The following ERBB4 variants were observed in gnomAD, a reference collection of about 807,000 sequenced individuals.
The protein encoded by ERBB4 is erb-b2 receptor tyrosine kinase 4, also known as receptor tyrosine-protein kinase erbB-4.
A neutral mutation model predicts 158.0 loss-of-function variants in ERBB4; 42 were observed. The ratio of observed to expected loss-of-function variants is 0.27; its 90% CI spans 0.21 to 0.34. ERBB4 has a LOEUF of 0.34. ERBB4 is among the 10% of genes least tolerant of loss of function. The pLI is 1.00. For synonymous variants in ERBB4, 583 were observed against 558.7 expected (o/e 1.04, Z -0.61); for missense variants, 1,333 against 1,624.1 (o/e 0.82, Z 3.08).
chr2:212,379,626 T>C (rs2090437265), intron 1 of ERBB4, among the ~76,000 whole-genome samples: 1 of 151,490 alleles, frequency 6.6e-6, no homozygotes, highest in Non-Finnish European at 1.5e-5. Context: ...TTTAATAAAC[T>C]ATTTTTGGCA....
At position 212,385,337 on chromosome 2, in the gene ERBB4, G is replaced by A. The variant is rs12477300; in HGVS notation, c.82+153112C>T. Among the ~76,000 whole-genome samples, 9 of 151,590 alleles carry A rather than the reference G, an allele frequency of 5.9e-5. No homozygotes were observed. In the South Asian group the frequency reaches 1.9e-3, roughly 31 times the overall value. On this transcript the variant is annotated intron_variant, in intron 1 of 27. Coordinates refer to ENST00000342788, the MANE Select transcript of ERBB4 (RefSeq NM_005235.3). ...TATGGAATATAGTGCTTTTAACAAA[G>A]GATTCCCAGGAGGAAATCAGTGGAC...
In ERBB4 at chr2:211,623,027, ATATATATATATATATAT is replaced by A. The variant is rs2069688384; in HGVS notation, c.2202+878_2202+894del. Among the ~76,000 whole-genome samples the A allele has an allele frequency of 6.8e-5, 7 of 102,986 alleles. No homozygotes were observed. The South Asian group carries it at 1.9e-3, about 28-fold the overall frequency. The allele number at this position is 102,986 out of a possible 152,430, so 67.6% of individuals were successfully genotyped here. A position where few individuals can be genotyped will look rare whatever the true frequency, so the allele number is the denominator to read the frequency against. ...TATATATATATATATATATATATAT[ATATATATATATATATAT>A]AAAATGCCAAAGTAACTTTTGGGAA... On this transcript the variant is annotated intron_variant, in intron 18 of 27. Coordinates refer to ENST00000342788, the MANE Select transcript of ERBB4 (RefSeq NM_005235.3).
chr2:212,303,163 T>A (rs2086683350), intron 1 of ERBB4, among the ~76,000 whole-genome samples: 1 of 151,466 alleles, frequency 6.6e-6, no homozygotes. Flanking sequence ...CGCTTAACTG[T>A]CTTTTATAGA....
chr2:211,772,838 C>CATATATAT (rs1278564933), intron 4 of ERBB4, among the ~76,000 whole-genome samples: 27 of 18,308 alleles, frequency 1.5e-3, no homozygotes, highest in African/African-American at 2.9e-3. Flanking sequence ...TATATATACA[C>CATATATAT]ATATATATAT....
chr2:211,600,933 G>A (rs2068780794), intron 19 of ERBB4, among the ~76,000 whole-genome samples: 1 of 151,936 alleles, frequency 6.6e-6, no homozygotes, highest in Non-Finnish European at 1.5e-5. Context: ...CAAACAAATG[G>A]TCACACACCT....
At chr2:211,480,254 T>G (rs1057188311) in intron 20 of ERBB4, among the ~76,000 whole-genome samples, 4 of 152,168 alleles carry the variant, frequency 2.6e-5, no homozygotes, top group Admixed American at 1.3e-4. Flanking sequence ...ACTGGCATTG[T>G]TTCTTAGTAT....
At chr2:212,274,879 C>T (rs971664873) in intron 1 of ERBB4, among the ~76,000 whole-genome samples, 5 of 151,722 alleles carry the variant, frequency 3.3e-5, no homozygotes, top group Admixed American at 6.6e-5. Context: ...CCCATCAACC[C>T]GTCATCTACA....
chr2:211,748,037 T>C (rs1295517866), intron 5 of ERBB4, among the ~76,000 whole-genome samples: 1 of 151,696 alleles, frequency 6.6e-6, no homozygotes, highest in Non-Finnish European at 1.5e-5. Context: ...AAATAGATGT[T>C]ATAATATATA....
chr2:211,451,992 C>G (rs184009534), intron 20 of ERBB4, among the ~76,000 whole-genome samples: 111 of 96,242 alleles, frequency 1.2e-3, no homozygotes, highest in Admixed American at 4.2e-3. Context: ...CATTTCACTG[C>G]GAGTAGAAAT....
chr2:212,121,964 C>A (rs2079763650), intron 2 of ERBB4, among the ~76,000 whole-genome samples: 1 of 151,874 alleles, frequency 6.6e-6, no homozygotes, highest in Admixed American at 6.6e-5. Context: ...ATGCACTCCA[C>A]CCCTACCATT....
At chr2:212,075,681 T>A (rs1011316143) in intron 2 of ERBB4, among the ~76,000 whole-genome samples, 8 of 151,924 alleles carry the variant, frequency 5.3e-5, no homozygotes, top group Admixed American at 1.3e-4. Context: ...TAACATTGGT[T>A]GGTTTTATAT....
intron 20 of ERBB4, among the ~76,000 whole-genome samples, chr2:211,449,450 T>C (rs2064189735): frequency 6.6e-6 from 1 of 152,192 alleles, no homozygotes; most frequent in South Asian, 2.1e-4. Context: ...TAACCATAAA[T>C]TGAGCTCTAG....
intron 1 of ERBB4, among the ~76,000 whole-genome samples, chr2:212,437,523 A>C (rs1259598128): frequency 6.6e-6 from 1 of 151,128 alleles, no homozygotes; most frequent in African/African-American, 2.4e-5. Context: ...ATTGGTCAAA[A>C]GTAAATTTTT....
intron 1 of ERBB4, among the ~76,000 whole-genome samples, chr2:212,153,698 T>C (rs1055829318): frequency 6.6e-6 from 1 of 152,174 alleles, no homozygotes; most frequent in African/African-American, 2.4e-5. Flanking sequence ...TATTATAATT[T>C]GCACGCATGA....
chr2:211,928,590 C>A lies in ERBB4; in HGVS notation c.421+18840G>T, dbSNP rs184127284. On this transcript the variant is annotated intron_variant, in intron 3 of 27. Transcript: ENST00000342788. ...GAAGAAAGAGCACGCCTTTTACCAT[C>A]GGGCCTTCAAGATACATTCATTCTT... Among the ~76,000 whole-genome samples, 3 of 152,240 alleles carry A rather than the reference C, an allele frequency of 2.0e-5. No homozygotes were observed. In the East Asian group the frequency reaches 5.8e-4, roughly 29 times the overall value.
intron 1 of ERBB4, among the ~76,000 whole-genome samples, chr2:212,150,388 A>G (rs2125626573): frequency 6.6e-6 from 1 of 152,290 alleles, no homozygotes; most frequent in South Asian, 2.1e-4. Context: ...GAGTTTACCT[A>G]CTTCAGAATA....
chr2:211,560,424 G>A (rs894583203), intron 20 of ERBB4, among the ~76,000 whole-genome samples: 2 of 151,438 alleles, frequency 1.3e-5, no homozygotes, highest in African/African-American at 4.9e-5. Flanking sequence ...ACAGGCATGT[G>A]CCACCATGCC....
At chr2:212,402,909 C>T (rs1261656718) in intron 1 of ERBB4, among the ~76,000 whole-genome samples, 4 of 151,972 alleles carry the variant, frequency 2.6e-5, no homozygotes, top group Admixed American at 6.6e-5. Flanking sequence ...TCAACTTTTA[C>T]GTGATACCAG....
At chr2:212,313,609 G>A (rs779132632) in intron 1 of ERBB4, among the ~76,000 whole-genome samples, 25 of 150,850 alleles carry the variant, frequency 1.7e-4, no homozygotes, top group Middle Eastern at 3.4e-3. Context: ...TGCTATGCTC[G>A]TCTATCCCAT....
Sources: gnomAD v4.1 joint callset for allele counts (sites outside exome capture counted in the v4.1 genomes callset) on GRCh38, gnomAD v4.1.1 for gene constraint, MANE v1.5 for transcripts, NCBI Gene and HGNC (gene_info 2026-07-23, HGNC 2026-07-21) for gene names.